PITPNB: variants seen among roughly 807,000 people sequenced by gnomAD.
PITPNB encodes the protein phosphatidylinositol transfer protein beta.
Under a neutral mutation model 45.9 loss-of-function variants are expected in PITPNB, and 16 were observed. That is an observed-to-expected ratio of 0.35 (90% CI 0.24 to 0.53). The LOEUF is 0.53. Ranked by LOEUF, PITPNB falls within the 20% of genes least tolerant of loss-of-function variation. PITPNB has a pLI of 0.93. For synonymous variants in PITPNB, 112 were observed against 108.9 expected, an observed-to-expected ratio of 1.03 and a Z score of -0.18; for missense variants, 188 against 330.5, an observed-to-expected ratio of 0.57 and a Z score of 3.34.
At chr22:27,860,093 T>C in intron 9 of PITPNB, 38 bp downstream of exon 9, 2 of 1,189,402 alleles carry the variant, frequency 1.7e-6, no homozygotes, top group South Asian at 1.2e-5. Context: ...TCCGATCTCA[T>C]CCTAAATCTA....
chr22:27,869,534 C>T (rs74731780), intron 8 of PITPNB, among the ~76,000 whole-genome samples: 7 of 152,024 alleles, frequency 4.6e-5, no homozygotes, highest in Middle Eastern at 3.4e-3. Context: ...TATATAACCA[C>T]GAGGGGTAAA....
In PITPNB at chr22:27,891,879, T is replaced by C. The variant is rs114641993; in HGVS notation, c.456+2676A>G. On this transcript the variant is annotated intron_variant, in intron 7 of 11. Transcript: ENST00000335272. The stretch of plus-strand genomic sequence containing the variant: ...TACTCTTAAGTGCTCACATTTAATC[T>C]TATAATTACTCTCATTTTACACAAG... Among the ~76,000 whole-genome samples, 1,034 of 152,296 alleles carry C rather than the reference T, an allele frequency of 6.8e-3. 6 individuals carry two copies. The highest frequency in any genetic ancestry group is 0.023 in the African/African-American group (939 of 41,564).
At chr22:27,873,660 C>T in intron 8 of PITPNB, 78 bp downstream of exon 8, 1 of 849,654 alleles carries the variant, frequency 1.2e-6, no homozygotes, top group East Asian at 2.5e-5. Flanking sequence ...TTAAACGTCA[C>T]CAGCTCTTCA....
chr22:27,906,341 T>C (rs991490221), intron 3 of PITPNB, among the ~76,000 whole-genome samples: 1 of 152,202 alleles, frequency 6.6e-6, no homozygotes, highest in Admixed American at 6.5e-5. Flanking sequence ...TAGCTTTATT[T>C]TGGAAGAAGA....
intron 8 of PITPNB, among the ~76,000 whole-genome samples, chr22:27,872,096 T>TG (rs1934681826): frequency 1.4e-5 from 2 of 139,194 alleles, no homozygotes; most frequent in Non-Finnish European, 3.1e-5. Flanking sequence ...TTTTTTTTTT[T>TG]TTTTTTTTTT....
At chr22:27,870,050 C>T (rs958303737) in intron 8 of PITPNB, among the ~76,000 whole-genome samples, 2 of 152,180 alleles carry the variant, frequency 1.3e-5, no homozygotes, top group East Asian at 1.9e-4. Flanking sequence ...AGGTACAGAA[C>T]GGTGATCTAG....
At chr22:27,883,476 C>T (rs966411076) in intron 7 of PITPNB, among the ~76,000 whole-genome samples, 1 of 152,230 alleles carries the variant, frequency 6.6e-6, no homozygotes, top group Non-Finnish European at 1.5e-5. Flanking sequence ...ATAATGTATA[C>T]TAGAATGCAG....
intron 3 of PITPNB, among the ~76,000 whole-genome samples, chr22:27,907,836 T>C (rs2146421178): frequency 6.6e-6 from 1 of 152,136 alleles, no homozygotes; most frequent in Non-Finnish European, 1.5e-5. Context: ...CGTGCCTTAG[T>C]GTCTTAGGTA....
Position 27,919,245 on chromosome 22 carries a change from A to G in PITPNB, c.-54T>C, listed in dbSNP as rs1289202036. 11 of 1,499,958 alleles carry G rather than the reference A, an allele frequency of 7.3e-6. No homozygotes were observed. The highest frequency in any genetic ancestry group is 3.3e-5 in the Admixed American group (2 of 59,794). 92.9% of individuals were successfully genotyped at this position (1,499,958 alleles called of 1,614,324 possible). ...CGATACCACCGCCGCCGCCGCCGCT[A>G]CCGCCTCTCACAGCGCCTGCGCGGC... On this transcript the variant is annotated 5_prime_UTR_variant, in exon 1 of 12. Coordinates refer to ENST00000335272, the MANE Select transcript of PITPNB (RefSeq NM_012399.5).
intron 3 of PITPNB, among the ~76,000 whole-genome samples, chr22:27,904,919 A>G (rs1935712887): frequency 6.6e-6 from 1 of 152,202 alleles, no homozygotes; most frequent in Non-Finnish European, 1.5e-5. Flanking sequence ...TTTTTCACAC[A>G]ATAAAAGGGG....
chr22:27,873,205 T>A (rs2146365927), intron 8 of PITPNB, among the ~76,000 whole-genome samples: 1 of 152,358 alleles, frequency 6.6e-6, no homozygotes, highest in Admixed American at 6.5e-5. Context: ...AGGCAGAGGC[T>A]GCAGTGAGCC....
At chr22:27,879,601 T>C (rs1166213522) in intron 7 of PITPNB, among the ~76,000 whole-genome samples, 1 of 152,148 alleles carries the variant, frequency 6.6e-6, no homozygotes, top group Non-Finnish European at 1.5e-5. Flanking sequence ...CACTTAAAAA[T>C]GAAGATATTT....
chr22:27,880,638 T>G (rs755718769), intron 7 of PITPNB, among the ~76,000 whole-genome samples: 23 of 152,190 alleles, frequency 1.5e-4, no homozygotes, highest in Non-Finnish European at 2.5e-4. Context: ...TTTTTTTTTT[T>G]TGAGATGGAG....
rs116132889 is a variant in PITPNB, at chr22:27,863,462, G to A, written c.535-3221C>T. ...ATTCTGTAATATGCCTGGGCTTCAGGAAATATTCCCCTGCCTGTCACCCAC... is the reference window on the plus strand; with the variant it reads ...ATTCTGTAATATGCCTGGGCTTCAGAAAATATTCCCCTGCCTGTCACCCAC... On this transcript the variant is annotated intron_variant, in intron 8 of 11. Transcript: ENST00000335272. Among the ~76,000 whole-genome samples the A allele has an allele frequency of 6.8e-3, 1,033 of 152,216 alleles. 7 individuals are homozygous for A. Among genetic ancestry groups the A allele is most frequent in the African/African-American group, 0.023 (938 of 41,526 alleles).
intron 11 of PITPNB, 65 bp downstream of exon 11, chr22:27,854,789 G>C: frequency 3.5e-6 from 3 of 847,442 alleles, no homozygotes; most frequent in Non-Finnish European, 5.8e-6. Flanking sequence ...TGCTCAGCAA[G>C]TTAACTGCCC....
intron 7 of PITPNB, among the ~76,000 whole-genome samples, chr22:27,882,279 G>T (rs1934995209): frequency 2.6e-5 from 4 of 152,004 alleles, no homozygotes; most frequent in Admixed American, 2.6e-4. Flanking sequence ...AAACAATTAA[G>T]AAGTGTCAGA....
chr22:27,891,664 AG>A (rs1935283645), intron 7 of PITPNB, among the ~76,000 whole-genome samples: 1 of 152,130 alleles, frequency 6.6e-6, no homozygotes, highest in Non-Finnish European at 1.5e-5. Flanking sequence ...AGATCTGTTT[AG>A]GAGTTCCTCC....
chr22:27,875,851 GAAGC>G (rs988020064), intron 7 of PITPNB, among the ~76,000 whole-genome samples: 1 of 152,124 alleles, frequency 6.6e-6, no homozygotes, highest in African/African-American at 2.4e-5. Context: ...GATAAAGAAA[GAAGC>G]AAGCAAAGAA....
intron 3 of PITPNB, among the ~76,000 whole-genome samples, chr22:27,907,421 C>T (rs1395086288): frequency 6.6e-6 from 1 of 152,208 alleles, no homozygotes; most frequent in African/African-American, 2.4e-5. Context: ...TCATTGTGGA[C>T]ATCTGACTGC....
Sources: allele counts gnomAD v4.1 joint callset (sites outside exome capture counted in the v4.1 genomes callset), GRCh38; gene constraint gnomAD v4.1.1; transcripts MANE v1.5; gene names NCBI Gene and HGNC (gene_info 2026-07-23, HGNC 2026-07-21).